The following TRDN variants were observed in gnomAD, a reference collection of about 807,000 sequenced individuals.
TRDN encodes triadin.
Under a neutral mutation model 149.7 loss-of-function variants are expected in TRDN, and 161 were observed. That is an observed-to-expected ratio of 1.08 (90% CI 0.95 to 1.23). The LOEUF (loss-of-function observed/expected upper bound fraction) is 1.23, where lower values mean the gene tolerates loss of function less well. Among genes scored for constraint, TRDN ranks in the 50% most tolerant of loss-of-function variants. The pLI is 0.00. For synonymous variants in TRDN, 294 were observed against 250.5 expected (o/e 1.17, Z -1.64); for missense variants, 896 against 823.5 (o/e 1.09, Z -1.08).
intron 1 of TRDN, among the ~76,000 whole-genome samples, chr6:123,621,383 G>C (rs942740094): frequency 2.0e-5 from 3 of 152,078 alleles, no homozygotes; most frequent in Non-Finnish European, 4.4e-5. Context: ...CAGTTTGAGT[G>C]AGCAAGGTGT....
chr6:123,554,529 A>G (rs1471501293), intron 2 of TRDN, among the ~76,000 whole-genome samples: 1 of 152,174 alleles, frequency 6.6e-6, no homozygotes, highest in Non-Finnish European at 1.5e-5. Context: ...AAATTTTATC[A>G]AGTTAAGAAA....
rs777497275 is a variant in TRDN at position 123,218,609 on chromosome 6, C to T, written c.2182G>A (p.Gly728Arg). 5.0e-6 allele frequency: 8 copies of T among 1,611,398 alleles called. No homozygotes were observed. Among genetic ancestry groups the T allele is most frequent in the Non-Finnish European group, 6.8e-6 (8 of 1,178,438 alleles). The change falls in exon 41 of 41, where the codon GGA becomes AGA. Residue 728 changes from glycine (G) to arginine (R), a missense_variant. Coordinates refer to ENST00000334268, the MANE Select transcript of TRDN (RefSeq NM_006073.4). Reference protein sequence around the residue: ...QANSPGQKQQGQ With the variant: ...QANSPGQKQQRQ The stretch of plus-strand genomic sequence containing the variant: ...GGGTCATACATGTGTGTTTACTGTC[C>T]TTGTTGCTTCTGTCCTGGAGAATTT...
chr6:123,636,820 T>C lies in TRDN; in HGVS notation c.-45A>G. The C allele has an allele frequency of 6.2e-7, 1 of 1,610,606 alleles. No individual in the cohort carries two copies. The highest frequency in any genetic ancestry group is 8.5e-7 in the Non-Finnish European group (1 of 1,177,650). ...AGTCAGTTGAAAAGTTCCCGTCAAG[T>C]TGCACTTTGCAGAGTATTTGGGGAT... On this transcript the variant is annotated 5_prime_UTR_variant, in exon 1 of 41. Coordinates refer to ENST00000334268, the MANE Select transcript of TRDN (RefSeq NM_006073.4).
intron 21 of TRDN, among the ~76,000 whole-genome samples, chr6:123,345,473 G>C (rs890731673): frequency 6.6e-6 from 1 of 151,936 alleles, no homozygotes; most frequent in Non-Finnish European, 1.5e-5. Flanking sequence ...TTTACAGTAA[G>C]TTGTGAAGTT....
At chr6:123,413,753 C>T (rs1312641540) in intron 12 of TRDN, among the ~76,000 whole-genome samples, 2 of 152,062 alleles carry the variant, frequency 1.3e-5, no homozygotes, top group Non-Finnish European at 2.9e-5. Flanking sequence ...TGAAGATGTG[C>T]TTGCCTATTA....
chr6:123,282,265 G>T (rs2114633599), intron 24 of TRDN, among the ~76,000 whole-genome samples: 1 of 151,884 alleles, frequency 6.6e-6, no homozygotes, highest in East Asian at 1.9e-4. Flanking sequence ...CATTCTATAA[G>T]TCTATATAGT....
intron 20 of TRDN, among the ~76,000 whole-genome samples, chr6:123,357,547 G>C (rs1384751223): frequency 6.6e-6 from 1 of 152,056 alleles, no homozygotes; most frequent in African/African-American, 2.4e-5. Context: ...TACAATGTAC[G>C]CTATAAGAGG....
intron 12 of TRDN, among the ~76,000 whole-genome samples, chr6:123,402,361 C>G (rs368107638): frequency 1.3e-5 from 2 of 152,202 alleles, no homozygotes; most frequent in African/African-American, 4.8e-5. Flanking sequence ...TTCTGTACTT[C>G]CCTTCAGTTT....
intron 40 of TRDN, 35 bp from the exon 41 acceptor site, chr6:123,218,775 G>C: frequency 6.5e-7 from 1 of 1,546,352 alleles, no homozygotes; most frequent in Non-Finnish European, 8.7e-7. Context: ...GTTAAAACAT[G>C]CAGAACATGA....
In TRDN at chr6:123,349,702, A is replaced by T. The variant is rs1323146624; in HGVS notation, c.1369+2837T>A. 3.1e-6 allele frequency: 3 copies of T among 977,782 alleles called. No homozygotes were observed. In the African/African-American group the frequency reaches 5.3e-5, roughly 17 times the overall value. The allele number at this position is 977,782 out of a possible 1,614,324, so 60.6% of individuals were successfully genotyped here. On this transcript the variant is annotated intron_variant, in intron 21 of 40. Coordinates refer to ENST00000334268, the MANE Select transcript of TRDN (RefSeq NM_006073.4). ...AACATTCATTATATTCAAATGGATA[A>T]AGTTTTCTCAGGGAAATCATTACTC...
chr6:123,342,561 C>A (rs1171919169), intron 21 of TRDN, among the ~76,000 whole-genome samples: 1 of 151,732 alleles, frequency 6.6e-6, no homozygotes, highest in African/African-American at 2.4e-5. Context: ...AACATAAGAT[C>A]GCTTTAACTT....
At chr6:123,536,437 T>C (rs556645959) in intron 4 of TRDN, among the ~76,000 whole-genome samples, 7 of 152,242 alleles carry the variant, frequency 4.6e-5, no homozygotes, top group African/African-American at 1.7e-4. Context: ...AAAATGATTA[T>C]ACTTGAAAAT....
chr6:123,631,384 T>G (rs1194304566), intron 1 of TRDN, among the ~76,000 whole-genome samples: 1 of 152,034 alleles, frequency 6.6e-6, no homozygotes, highest in Non-Finnish European at 1.5e-5. Context: ...CCATGACCTA[T>G]CTCAAAAACA....
intron 20 of TRDN, among the ~76,000 whole-genome samples, chr6:123,356,744 T>C (rs1333956637): frequency 6.6e-6 from 1 of 150,700 alleles, no homozygotes; most frequent in African/African-American, 2.4e-5. Context: ...AATTATAAAT[T>C]TAAAATTTTA....
rs1777252607 is a variant in TRDN, at chr6:123,272,954, T to G, written c.1672+10A>C. The stretch of plus-strand genomic sequence containing the variant: ...GTTATTTGAGACTACAAATACCACC[T>G]GCAAAATACCTGGTTTACCATGAGA... On this transcript the variant is annotated intron_variant, in intron 29 of 40. Coordinates refer to ENST00000334268, the MANE Select transcript of TRDN (RefSeq NM_006073.4). 3 of 1,525,486 alleles carry G rather than the reference T, an allele frequency of 2.0e-6. No homozygotes were observed. Among genetic ancestry groups the G allele is most frequent in the Non-Finnish European group, 2.6e-6 (3 of 1,134,192 alleles). 94.5% of individuals were successfully genotyped at this position (1,525,486 alleles called of 1,614,324 possible).
intron 23 of TRDN, among the ~76,000 whole-genome samples, chr6:123,324,654 C>T (rs1320144480): frequency 2.6e-5 from 4 of 151,994 alleles, no homozygotes; most frequent in Non-Finnish European, 4.4e-5. Context: ...TGGAGCTCTA[C>T]ACTTAGAGTT....
In TRDN at chr6:123,217,955, A is replaced by G. The variant is rs1381776992; in HGVS notation, c.*646T>C. ...CATTCAAGACATATCTTAAAGATTT[A>G]TCAAGCATTTACTCTCCACCTTACC... On this transcript the variant is annotated 3_prime_UTR_variant, in exon 41 of 41. Transcript: ENST00000334268. 6.6e-6 allele frequency: 1 copy of G among 151,972 alleles called. No individual in the cohort carries two copies. Among genetic ancestry groups the G allele is most frequent in the African/African-American group, 2.4e-5 (1 of 41,438 alleles). 9.4% of individuals were successfully genotyped at this position (151,972 alleles called of 1,614,324 possible).
intron 27 of TRDN, 103 bp downstream of exon 27, chr6:123,274,538 G>T: frequency 1.0e-6 from 1 of 986,884 alleles, no homozygotes; most frequent in Non-Finnish European, 1.5e-6. Context: ...GGAACTTGGA[G>T]ACTATGTGCA....
chr6:123,330,772 A>G (rs1186315959), intron 23 of TRDN, among the ~76,000 whole-genome samples: 1 of 152,046 alleles, frequency 6.6e-6, no homozygotes, highest in East Asian at 1.9e-4. Context: ...CTATAGTTTT[A>G]TACATTGCTA....
Sources: gnomAD v4.1 joint callset for allele counts (sites outside exome capture counted in the v4.1 genomes callset) on GRCh38, gnomAD v4.1.1 for gene constraint, MANE v1.5 for transcripts, NCBI Gene and HGNC (gene_info 2026-07-23, HGNC 2026-07-21) for gene names.